ADGRB1: variants seen among roughly 807,000 people sequenced by gnomAD.
ADGRB1 encodes the protein adhesion G protein-coupled receptor B1.
ADGRB1 carries 36 observed loss-of-function variants against 175.7 expected under a neutral mutation model. That is an observed-to-expected ratio of 0.20 (90% CI 0.16 to 0.27). ADGRB1 has a LOEUF of 0.27. ADGRB1 is among the 10% of genes least tolerant of loss of function. ADGRB1 has a pLI of 1.00. For synonymous variants in ADGRB1, 1,054 were observed against 979.4 expected, an observed-to-expected ratio of 1.08 and a Z score of -1.42; for missense variants, 1,731 against 2,255.3, an observed-to-expected ratio of 0.77 and a Z score of 4.71.
intron 11 of ADGRB1, 42 bp from the exon 12 acceptor site, chr8:142,483,935 G>C: frequency 6.2e-7 from 1 of 1,601,520 alleles, no homozygotes; most frequent in Non-Finnish European, 8.6e-7. Context: ...GTGATTTTGT[G>C]CCCTGTTCTC....
chr8:142,525,081 G>T (rs1220305433), intron 23 of ADGRB1, among the ~76,000 whole-genome samples: 2 of 152,118 alleles, frequency 1.3e-5, no homozygotes, highest in Non-Finnish European at 2.9e-5. Flanking sequence ...CCCCATCCTA[G>T]TGGGGACTCA....
chr8:142,529,340 TTGTGTG>T (rs141219376), intron 24 of ADGRB1, among the ~76,000 whole-genome samples: 1 of 150,812 alleles, frequency 6.6e-6, no homozygotes, highest in Non-Finnish European at 1.5e-5. Context: ...GCAGATGTGT[TTGTGTG>T]TGTGTGTGTG....
At chr8:142,525,289 C>A (rs180820457) in intron 23 of ADGRB1, among the ~76,000 whole-genome samples, 223 of 152,004 alleles carry the variant, frequency 1.5e-3, no homozygotes, top group African/African-American at 4.9e-3. Context: ...GCAGGAGAGG[C>A]GTGGGGTACC....
At chr8:142,473,512 C>T (rs920944745) in intron 2 of ADGRB1, among the ~76,000 whole-genome samples, 2 of 152,178 alleles carry the variant, frequency 1.3e-5, no homozygotes, top group African/African-American at 4.8e-5. Flanking sequence ...ACAGGGCAGC[C>T]ACGAAGGGCC....
intron 27 of ADGRB1, 106 bp from the exon 28 acceptor site, chr8:142,541,835 G>A (rs549662393): frequency 8.2e-7 from 1 of 1,215,268 alleles, no homozygotes; most frequent in East Asian, 2.6e-5. Context: ...TCTCCCAGGA[G>A]GTGGCGGCCT....
intron 13 of ADGRB1, among the ~76,000 whole-genome samples, chr8:142,487,272 G>A (rs912926968): frequency 2.5e-4 from 38 of 152,160 alleles, no homozygotes; most frequent in Middle Eastern, 3.4e-3. Flanking sequence ...CTGCTCCAGC[G>A]TCCGTCTGCC....
chr8:142,479,813 G>A lies in ADGRB1; in HGVS notation c.1828+19G>A, dbSNP rs201429013. 8.1e-5 allele frequency: 130 copies of A among 1,602,368 alleles called. No individual in the cohort carries two copies. The highest frequency in any genetic ancestry group is 5.8e-4 in the South Asian group (52 of 90,206). On this transcript the variant is annotated intron_variant, in intron 9 of 30. Coordinates refer to ENST00000517894, the MANE Select transcript of ADGRB1 (RefSeq NM_001702.3). ...GCCACAGGTGAGGGCTGGAGAGCAC[G>A]TGGTGTATGGGGGCTCCCGTCCTGT...
At chr8:142,451,129 G>A (rs1162165895) in intron 1 of ADGRB1, among the ~76,000 whole-genome samples, 1 of 152,140 alleles carries the variant, frequency 6.6e-6, no homozygotes, top group Non-Finnish European at 1.5e-5. Context: ...CCCTGGGCGA[G>A]GTAGAGAGCT....
chr8:142,484,122 G>A lies in ADGRB1; in HGVS notation c.2199+77G>A, dbSNP rs1042128252. On this transcript the variant is annotated intron_variant, in intron 12 of 30. Coordinates refer to ENST00000517894, the MANE Select transcript of ADGRB1 (RefSeq NM_001702.3). ...GCTGGTGCCTCCCTGGTCTCCAGTC[G>A]GCCTGGGGTGGGGTCCCGCCGGGTG... 68 of 1,364,864 alleles carry A rather than the reference G, an allele frequency of 5.0e-5. No individual in the cohort carries two copies. The South Asian group carries it at 6.5e-4, about 13-fold the overall frequency. 84.5% of individuals were successfully genotyped at this position (1,364,864 alleles called of 1,614,324 possible).
rs551120462 is a variant in ADGRB1 at position 142,522,565 on chromosome 8, C to T, written c.3176-76C>T. On this transcript the variant is annotated intron_variant, in intron 21 of 30. Coordinates refer to ENST00000517894, the MANE Select transcript of ADGRB1 (RefSeq NM_001702.3). Reference sequence around the variant, plus strand: ...GCGCCTGCCTGGCCCCCGCCCTTCACGGCAGGGCTAGGAGGAGGTGGAGGC... The same window carrying T: ...GCGCCTGCCTGGCCCCCGCCCTTCATGGCAGGGCTAGGAGGAGGTGGAGGC... 3.4e-5 allele frequency: 48 copies of T among 1,410,258 alleles called. No individual in the cohort carries two copies. In the Admixed American group the frequency reaches 6.9e-4, roughly 20 times the overall value. 87.4% of individuals were successfully genotyped at this position (1,410,258 alleles called of 1,614,324 possible). A position where few individuals can be genotyped will look rare whatever the true frequency, so the allele number is the denominator to read the frequency against.
At chr8:142,505,925 G>A (rs1004812563) in intron 17 of ADGRB1, among the ~76,000 whole-genome samples, 13 of 152,162 alleles carry the variant, frequency 8.5e-5, no homozygotes, top group Non-Finnish European at 1.8e-4. Context: ...GGGAGGTGAA[G>A]CGGGGACCCA....
rs1563759729 is a variant in ADGRB1 at position 142,544,672 on chromosome 8, G to GGGCCC, written c.*255_*256insGGCCC. The GGGCCC allele has an allele frequency of 1.9e-5, 7 of 359,064 alleles. No homozygotes were observed. In the East Asian group the frequency reaches 2.4e-4, roughly 12 times the overall value. 22.2% of individuals were successfully genotyped at this position (359,064 alleles called of 1,614,324 possible). The stretch of plus-strand genomic sequence containing the variant: ...CCTCAGACTCCGCCCTCCTCGGGCC[G>GGGCCC]AGGCCCAGCGGGCAGATGGGCGGAC... On this transcript the variant is annotated 3_prime_UTR_variant, in exon 31 of 31. Transcript: ENST00000517894.
rs755540235 is a variant in ADGRB1, at chr8:142,464,559, G to A, written c.361G>A (p.Asp121Asn). 1.3e-6 allele frequency: 2 copies of A among 1,549,796 alleles called. No homozygotes were observed. Among genetic ancestry groups the A allele is most frequent in the Admixed American group, 1.9e-5 (1 of 52,696 alleles). ...TRTYLGVESF[D>N]EVLRLCDPSA... ...CACCTACCTGGGCGTGGAGAGCTTC[G>A]ACGAGGTGCTGCGGCTCTGCGACCC... is the stretch of plus-strand genomic sequence containing the variant. Residue 121 changes from aspartate to asparagine, a missense_variant, in exon 2 of 31, where the codon GAC (aspartate) becomes AAC (asparagine). Physicochemically the swap from Asp to Asn is conservative, Grantham distance 23 (BLOSUM62 1). Coordinates refer to ENST00000517894, the MANE Select transcript of ADGRB1 (RefSeq NM_001702.3).
In ADGRB1 at chr8:142,544,819, T is replaced by G; in HGVS notation, c.*402T>G. 6.4e-6 allele frequency: 1 copy of G among 156,084 alleles called. No homozygotes were observed. The highest frequency in any genetic ancestry group is 1.4e-5 in the Non-Finnish European group (1 of 70,824). The allele number at this position is 156,084 out of a possible 1,614,324, so 9.7% of individuals were successfully genotyped here. ...TGGCACCGTTTTTTAAACACCCCCA[T>G]CCCTCGGGAAGCAGCCAGCTCCCCA... On this transcript the variant is annotated 3_prime_UTR_variant, in exon 31 of 31. Transcript: ENST00000517894.
intron 18 of ADGRB1, among the ~76,000 whole-genome samples, chr8:142,516,454 C>CTG (rs1284842795): frequency 1.1e-5 from 1 of 91,142 alleles, no homozygotes; most frequent in African/African-American, 4.3e-5. Flanking sequence ...GTGCGTGTGT[C>CTG]TGTGCGGGCC....
chr8:142,544,468 G>A lies in ADGRB1; in HGVS notation c.*51G>A, dbSNP rs566703625. 1.8e-5 allele frequency: 26 copies of A among 1,418,750 alleles called. No individual in the cohort carries two copies. The highest frequency in any genetic ancestry group is 4.5e-5 in the South Asian group (3 of 67,236). 87.9% of individuals were successfully genotyped at this position (1,418,750 alleles called of 1,614,324 possible). A position where few individuals can be genotyped will look rare whatever the true frequency, so the allele number is the denominator to read the frequency against. Reference sequence around the variant, plus strand: ...GGCCACGGAGGAGGGATGCTGCTCCGCCCGCTCCTGCCGCAGACGGGCACA... The same window carrying A: ...GGCCACGGAGGAGGGATGCTGCTCCACCCGCTCCTGCCGCAGACGGGCACA... On this transcript the variant is annotated 3_prime_UTR_variant, in exon 31 of 31. Transcript: ENST00000517894.
intron 2 of ADGRB1, 107 bp downstream of exon 2, chr8:142,465,089 GGGCGGGCAGGCGGAGGT>G: frequency 8.8e-7 from 1 of 1,137,074 alleles, no homozygotes; most frequent in Non-Finnish European, 1.2e-6. Context: ...CAGAGGAGGT[GGGCGGGCAGGCGGAGGT>G]GGGTGGGTAG....
At chr8:142,454,801 T>C (rs2131620758) in intron 1 of ADGRB1, among the ~76,000 whole-genome samples, 1 of 152,206 alleles carries the variant, frequency 6.6e-6, no homozygotes, top group East Asian at 1.9e-4. Flanking sequence ...TTTTTCATAC[T>C]AACTCATTTC....
intron 19 of ADGRB1, among the ~76,000 whole-genome samples, chr8:142,520,352 GTATGA>G (rs1843721733): frequency 7.2e-6 from 1 of 139,724 alleles, no homozygotes; most frequent in African/African-American, 2.7e-5. Flanking sequence ...GGTAATGATT[GTATGA>G]TGATGGTGGT....
Sources: gnomAD v4.1 joint callset for allele counts (sites outside exome capture counted in the v4.1 genomes callset) on GRCh38, gnomAD v4.1.1 for gene constraint, MANE v1.5 for transcripts, NCBI Gene and HGNC (gene_info 2026-07-23, HGNC 2026-07-21) for gene names.